The following SGSM1 variants were observed in gnomAD, a reference collection of about 807,000 sequenced individuals.
SGSM1 encodes the protein RUN and TBC1 domain containing 2.
SGSM1 carries 73 observed loss-of-function variants against 133.8 expected under a neutral mutation model. That is an observed-to-expected ratio of 0.55 (90% CI 0.45 to 0.66). The LOEUF (loss-of-function observed/expected upper bound fraction) is 0.66. Among genes scored for constraint, SGSM1 ranks in the 30% least tolerant of loss-of-function variants. SGSM1 has a pLI of 0.00. For synonymous variants in SGSM1, 563 were observed against 573.0 expected, an observed-to-expected ratio of 0.98 and a Z score of 0.25; for missense variants, 1,213 against 1,448.1, an observed-to-expected ratio of 0.84 and a Z score of 2.64.
intron 22 of SGSM1, among the ~76,000 whole-genome samples, chr22:24,913,307 A>AAG (rs1555938962): frequency 4.6e-4 from 66 of 142,628 alleles, no homozygotes; most frequent in Non-Finnish European, 6.6e-4. Flanking sequence ...AAAAAAAAAA[A>AAG]AAAGAAAGAA....
intron 18 of SGSM1, among the ~76,000 whole-genome samples, 181 bp downstream of exon 18, chr22:24,895,472 T>TC (rs1932893777): frequency 1.3e-5 from 2 of 152,210 alleles, no homozygotes; most frequent in Admixed American, 6.5e-5. Flanking sequence ...TATGGATCTA[T>TC]CACCCCTGCA....
At chr22:24,889,930 C>T (rs535228367) in intron 16 of SGSM1, among the ~76,000 whole-genome samples, 8 of 147,974 alleles carry the variant, frequency 5.4e-5, no homozygotes, top group Middle Eastern at 3.8e-3. Flanking sequence ...GGATTATAGG[C>T]GTGAGCCACC....
At chr22:24,824,432 A>G (rs1266349217) in intron 2 of SGSM1, among the ~76,000 whole-genome samples, 1 of 152,034 alleles carries the variant, frequency 6.6e-6, no homozygotes, top group Non-Finnish European at 1.5e-5. Context: ...CCACACCCCA[A>G]GTCTGTTGGT....
chr22:24,884,667 G>A (rs940116471), intron 15 of SGSM1, among the ~76,000 whole-genome samples: 2 of 152,158 alleles, frequency 1.3e-5, no homozygotes, highest in South Asian at 4.1e-4. Context: ...TTTTAATATC[G>A]GAATGTGAAT....
intron 9 of SGSM1, among the ~76,000 whole-genome samples, chr22:24,866,631 T>C (rs1931474085): frequency 6.6e-6 from 1 of 152,244 alleles, no homozygotes; most frequent in African/African-American, 2.4e-5. Context: ...TTCTCAGGCA[T>C]AGTCGCTTCC....
rs189024955 is a variant in SGSM1 at position 24,847,031 on chromosome 22, G to A, written c.140-603G>A. ...AATTTCTTATATTTTTAGTAGAGGCGGGGTTTCACTGTGTTAGCCAGGATG... is the reference window on the plus strand; with the variant it reads ...AATTTCTTATATTTTTAGTAGAGGCAGGGTTTCACTGTGTTAGCCAGGATG... On this transcript the variant is annotated intron_variant, in intron 3 of 24. Coordinates refer to ENST00000400358, the MANE Select transcript of SGSM1 (RefSeq NM_001098497.3). Among the ~76,000 whole-genome samples the A allele has an allele frequency of 5.9e-3, 894 of 151,948 alleles. 2 individuals carry two copies. Among genetic ancestry groups the A allele is most frequent in the South Asian group, 0.011 (52 of 4,786 alleles).
intron 10 of SGSM1, among the ~76,000 whole-genome samples, chr22:24,867,579 A>G (rs983621645): frequency 6.6e-6 from 1 of 152,238 alleles, no homozygotes; most frequent in Non-Finnish European, 1.5e-5. Flanking sequence ...GTATAAGGGC[A>G]CACAGTCTGG....
chr22:24,924,283 T>C lies in SGSM1; in HGVS notation c.*9T>C, dbSNP rs56339202. 0.014 allele frequency: 21,998 copies of C among 1,612,832 alleles called. 198 individuals are homozygous for C. The highest frequency in any genetic ancestry group is 0.017 in the Non-Finnish European group (19,625 of 1,179,174). On this transcript the variant is annotated 3_prime_UTR_variant, in exon 25 of 25. Transcript: ENST00000400358. ...TGATTGAGAACAAGTGAGGGGCACCTCACCCCGGCAGCCTCAGCCAAGCTG... is the reference window on the plus strand; with the variant it reads ...TGATTGAGAACAAGTGAGGGGCACCCCACCCCGGCAGCCTCAGCCAAGCTG...
chr22:24,846,794 A>G (rs1011858360), intron 3 of SGSM1, among the ~76,000 whole-genome samples: 1 of 152,158 alleles, frequency 6.6e-6, no homozygotes, highest in Non-Finnish European at 1.5e-5. Context: ...AATATTTTAA[A>G]TCTATGGGCA....
chr22:24,822,111 GAC>G (rs1320951635), intron 2 of SGSM1, among the ~76,000 whole-genome samples: 189 of 68,334 alleles, frequency 2.8e-3, no homozygotes, highest in African/African-American at 1.0e-2. Context: ...TTTTTTTTGA[GAC>G]AGAGTCTTGC....
At chr22:24,847,876 C>A in intron 4 of SGSM1, 80 bp downstream of exon 4, 1 of 1,507,218 alleles carries the variant, frequency 6.6e-7, no homozygotes, top group Admixed American at 2.0e-5. Context: ...AGAGAGCCTG[C>A]AACCCCTAGC....
At chr22:24,860,885 G>A (rs534986408) in intron 9 of SGSM1, among the ~76,000 whole-genome samples, 107 of 110,898 alleles carry the variant, frequency 9.6e-4, no homozygotes, top group African/African-American at 3.8e-3. Context: ...GGGTGACAGA[G>A]CGAGACTGTC....
intron 19 of SGSM1, among the ~76,000 whole-genome samples, chr22:24,898,984 A>G (rs1474362871): frequency 1.5e-5 from 2 of 133,614 alleles, no homozygotes; most frequent in African/African-American, 5.5e-5. Context: ...CCGAGATCGC[A>G]CCACTGCATT....
At chr22:24,883,710 A>G (rs1281155356) in intron 14 of SGSM1, among the ~76,000 whole-genome samples, 3 of 152,094 alleles carry the variant, frequency 2.0e-5, no homozygotes, top group Admixed American at 1.3e-4. Flanking sequence ...TAATCCCAGC[A>G]CTTTGGGAGG....
rs1346955946 is a variant in SGSM1 at position 24,806,512 on chromosome 22, A to G, written c.63+28A>G. On this transcript the variant is annotated intron_variant, in intron 2 of 24. Transcript: ENST00000400358. Reference sequence around the variant, plus strand: ...GGGTGCCGGGGTGGGGGCACTGGGCAGGACTCCCCCGGCAGCAGCGGCCAA... The same window carrying G: ...GGGTGCCGGGGTGGGGGCACTGGGCGGGACTCCCCCGGCAGCAGCGGCCAA... 7.4e-6 allele frequency: 11 copies of G among 1,492,900 alleles called. No homozygotes were observed. The Admixed American group carries it at 2.8e-4, about 38-fold the overall frequency. 92.5% of individuals were successfully genotyped at this position (1,492,900 alleles called of 1,614,324 possible).
At chr22:24,832,678 G>C (rs1929187331) in intron 2 of SGSM1, among the ~76,000 whole-genome samples, 1 of 152,186 alleles carries the variant, frequency 6.6e-6, no homozygotes, top group Admixed American at 6.5e-5. Context: ...TGAATATGAT[G>C]GTCATGGTGG....
intron 5 of SGSM1, among the ~76,000 whole-genome samples, chr22:24,853,520 C>T (rs1327329924): frequency 3.9e-5 from 6 of 152,186 alleles, no homozygotes; most frequent in Non-Finnish European, 5.9e-5. Flanking sequence ...TAAAGATATA[C>T]CCAAAACTGG....
At chr22:24,920,315 A>C (rs1029731059) in intron 24 of SGSM1, among the ~76,000 whole-genome samples, 3 of 152,182 alleles carry the variant, frequency 2.0e-5, no homozygotes, top group African/African-American at 7.2e-5. Flanking sequence ...CATCTGTGAA[A>C]TGGGCTAGCA....
intron 16 of SGSM1, among the ~76,000 whole-genome samples, chr22:24,889,959 ATTT>A (rs72491088): frequency 2.4e-4 from 29 of 121,148 alleles, no homozygotes; most frequent in African/African-American, 7.2e-4. Flanking sequence ...CCTTAAATGG[ATTT>A]TTTTTTTTTT....
Sources: gnomAD v4.1 joint callset for allele counts (sites outside exome capture counted in the v4.1 genomes callset) on GRCh38, gnomAD v4.1.1 for gene constraint, MANE v1.5 for transcripts, NCBI Gene and HGNC (gene_info 2026-07-23, HGNC 2026-07-21) for gene names.